Variants in CFAP299 observed in about 807,000 individuals in gnomAD.
The protein encoded by CFAP299 is cilia and flagella associated protein 299.
A neutral mutation model predicts 27.0 loss-of-function variants in CFAP299; 21 were observed. The ratio of observed to expected loss-of-function variants is 0.78; its 90% CI spans 0.55 to 1.12. The LOEUF (loss-of-function observed/expected upper bound fraction) is 1.12, where lower values mean the gene tolerates loss of function less well. Ranked by LOEUF, CFAP299 falls within the 50% of genes most tolerant of loss-of-function variation. CFAP299 has a pLI of 0.00. For synonymous variants in CFAP299, 104 were observed against 98.1 expected, an observed-to-expected ratio of 1.06 and a Z score of -0.36; for missense variants, 310 against 276.6, an observed-to-expected ratio of 1.12 and a Z score of -0.86.
chr4:80,331,598 C>G (rs148248799), upstream of CFAP299, among the ~76,000 whole-genome samples: 1 of 152,202 alleles, frequency 6.6e-6, no homozygotes, highest in Non-Finnish European at 1.5e-5. Flanking sequence ...TCAGGGGTGA[C>G]GGAGAAGTAA....
intron 2 of CFAP299, among the ~76,000 whole-genome samples, chr4:80,520,598 G>A (rs1162033561): frequency 6.6e-6 from 1 of 152,170 alleles, no homozygotes; most frequent in East Asian, 1.9e-4. Flanking sequence ...TAGCATGCAA[G>A]TTCCCAACGT....
intron 3 of CFAP299, among the ~76,000 whole-genome samples, chr4:80,632,244 T>C (rs1193427629): frequency 6.6e-6 from 1 of 152,176 alleles, no homozygotes; most frequent in Non-Finnish European, 1.5e-5. Context: ...ATCAAAATTA[T>C]TTTAAAAACA....
At chr4:80,954,262 A>G (rs1204980900) in intron 5 of CFAP299, among the ~76,000 whole-genome samples, 1 of 152,176 alleles carries the variant, frequency 6.6e-6, no homozygotes, top group African/African-American at 2.4e-5. Flanking sequence ...TCAAAAAAAG[A>G]GCATGTTTTT....
intron 2 of CFAP299, among the ~76,000 whole-genome samples, chr4:80,363,217 C>T (rs1723639443): frequency 1.3e-5 from 2 of 152,092 alleles, no homozygotes; most frequent in African/African-American, 4.8e-5. Flanking sequence ...ATTCTTTGTA[C>T]TTTGAGGTCT....
chr4:80,850,138 A>C (rs1440870995), intron 3 of CFAP299, among the ~76,000 whole-genome samples: 1 of 152,160 alleles, frequency 6.6e-6, no homozygotes, highest in East Asian at 1.9e-4. Context: ...CTGATTCTAT[A>C]GCTCAGCTGT....
chr4:80,869,634 C>T (rs1447325204), intron 3 of CFAP299, among the ~76,000 whole-genome samples: 2 of 152,150 alleles, frequency 1.3e-5, no homozygotes, highest in African/African-American at 4.8e-5. Context: ...CTGCCTCAGC[C>T]TCCCAAGTAG....
intron 2 of CFAP299, among the ~76,000 whole-genome samples, chr4:80,435,233 G>A (rs1300562564): frequency 6.6e-6 from 1 of 152,108 alleles, no homozygotes; most frequent in East Asian, 1.9e-4. Context: ...CAGACCAGAG[G>A]CAAAATAAAA....
chr4:80,577,397 A>ATTTTTTTTTTTTTTTTTTTTTTTTT (rs34922224), intron 2 of CFAP299, among the ~76,000 whole-genome samples: 3 of 98,824 alleles, frequency 3.0e-5, no homozygotes, highest in African/African-American at 8.3e-5. Context: ...ATTAGAAAAC[A>ATTTTTTTTTTTTTTTTTTTTTTTTT]TTTTTTTTTT....
chr4:80,790,868 C>T (rs571419904), intron 3 of CFAP299, among the ~76,000 whole-genome samples: 3 of 151,956 alleles, frequency 2.0e-5, no homozygotes, highest in Non-Finnish European at 4.4e-5. Context: ...AATTAGAATA[C>T]AATATTTTAC....
intron 3 of CFAP299, among the ~76,000 whole-genome samples, chr4:80,848,361 T>C (rs910516066): frequency 6.6e-6 from 1 of 152,184 alleles, no homozygotes. Context: ...GGCAATTTCA[T>C]CTTTTTGTAA....
At chr4:80,850,971 G>A (rs1251817089) in intron 3 of CFAP299, among the ~76,000 whole-genome samples, 1 of 151,996 alleles carries the variant, frequency 6.6e-6, no homozygotes, top group Non-Finnish European at 1.5e-5. Flanking sequence ...CTACTTTTTG[G>A]TTGATAGTGT....
At chr4:80,722,115 A>G (rs1722852356) in intron 3 of CFAP299, among the ~76,000 whole-genome samples, 1 of 152,190 alleles carries the variant, frequency 6.6e-6, no homozygotes. Flanking sequence ...AAATAATTTT[A>G]CCATATATAG....
At chr4:80,663,073 A>G (rs1345840654) in intron 3 of CFAP299, among the ~76,000 whole-genome samples, 1 of 151,320 alleles carries the variant, frequency 6.6e-6, no homozygotes, top group Non-Finnish European at 1.5e-5. Flanking sequence ...TTATTTTTAT[A>G]TTAATAATCA....
chr4:80,840,047 T>G (rs973526730), intron 3 of CFAP299, among the ~76,000 whole-genome samples: 2 of 152,184 alleles, frequency 1.3e-5, no homozygotes, highest in African/African-American at 4.8e-5. Context: ...AAAGACATTG[T>G]GTTTAGCAGC....
At chr4:80,473,897 A>G (rs558454003) in intron 2 of CFAP299, among the ~76,000 whole-genome samples, 1 of 152,182 alleles carries the variant, frequency 6.6e-6, no homozygotes, top group Non-Finnish European at 1.5e-5. Flanking sequence ...TTATAACTAC[A>G]TTAAAACAAA....
At chr4:80,835,919 C>T (rs1274654636) in intron 3 of CFAP299, among the ~76,000 whole-genome samples, 1 of 152,162 alleles carries the variant, frequency 6.6e-6, no homozygotes, top group Non-Finnish European at 1.5e-5. Context: ...TCTGACAAAA[C>T]TTTTTAGGAA....
At chr4:80,886,871 A>G (rs1452108016) in intron 4 of CFAP299, among the ~76,000 whole-genome samples, 1 of 152,126 alleles carries the variant, frequency 6.6e-6, no homozygotes, top group African/African-American at 2.4e-5. Context: ...TAAATTTAAC[A>G]AAGAGATTGA....
intron 3 of CFAP299, among the ~76,000 whole-genome samples, chr4:80,759,578 G>A (rs1308681538): frequency 6.6e-6 from 1 of 152,112 alleles, no homozygotes; most frequent in Non-Finnish European, 1.5e-5. Context: ...GTTAAGAAAT[G>A]GGGAAAAGAT....
intron 2 of CFAP299, among the ~76,000 whole-genome samples, chr4:80,551,834 G>A (rs1349628037): frequency 2.0e-5 from 3 of 151,536 alleles, no homozygotes; most frequent in East Asian, 3.9e-4. Context: ...TGCAACCTCC[G>A]CCTCCCAGGT....
Sources: allele counts gnomAD v4.1 joint callset (sites outside exome capture counted in the v4.1 genomes callset), GRCh38; gene constraint gnomAD v4.1.1; transcripts MANE v1.5; gene names NCBI Gene and HGNC (gene_info 2026-07-23, HGNC 2026-07-21).